Variants in DENND1A observed in about 807,000 individuals in gnomAD.
DENND1A encodes DENN domain-containing protein 1A.
DENND1A carries 51 observed loss-of-function variants against 113.7 expected under a neutral mutation model. The observed-to-expected ratio is 0.45, with a 90% CI of 0.36 to 0.57. The LOEUF (loss-of-function observed/expected upper bound fraction) is 0.57, where lower values mean the gene tolerates loss of function less well. Ranked by LOEUF, DENND1A falls within the 20% of genes least tolerant of loss-of-function variation. DENND1A has a pLI of 0.00. For synonymous variants in DENND1A, 565 were observed against 570.8 expected, an observed-to-expected ratio of 0.99 and a Z score of 0.14; for missense variants, 1,258 against 1,395.9, an observed-to-expected ratio of 0.90 and a Z score of 1.57.
intron 13 of DENND1A, among the ~76,000 whole-genome samples, chr9:123,549,073 G>T (rs2056883082): frequency 6.6e-6 from 1 of 152,152 alleles, no homozygotes; most frequent in African/African-American, 2.4e-5. Context: ...TATGTTATAT[G>T]TATTTTTTAC....
chr9:123,447,368 A>T (rs1023685153), intron 18 of DENND1A, among the ~76,000 whole-genome samples: 1 of 152,148 alleles, frequency 6.6e-6, no homozygotes, highest in Non-Finnish European at 1.5e-5. Flanking sequence ...ATTAACAATT[A>T]TTTGCCAATG....
At chr9:123,673,925 C>A (rs1270225504) in intron 6 of DENND1A, among the ~76,000 whole-genome samples, 2 of 152,038 alleles carry the variant, frequency 1.3e-5, no homozygotes, top group Non-Finnish European at 2.9e-5. Flanking sequence ...CAGATGCCCT[C>A]CCTTCCCTCC....
chr9:123,567,375 T>C (rs983184215), intron 12 of DENND1A, among the ~76,000 whole-genome samples: 1 of 152,216 alleles, frequency 6.6e-6, no homozygotes, highest in Non-Finnish European at 1.5e-5. Flanking sequence ...TTGAAAAAAC[T>C]GATATGCACT....
chr9:123,437,373 C>G (rs553101585), intron 19 of DENND1A, among the ~76,000 whole-genome samples: 2 of 152,174 alleles, frequency 1.3e-5, no homozygotes, highest in African/African-American at 4.8e-5. Flanking sequence ...TGCCAGCCCC[C>G]GCTGCAGAGC....
intron 20 of DENND1A, chr9:123,411,370 G>A (rs1205408619): frequency 1.3e-5 from 2 of 152,250 alleles, no homozygotes; most frequent in African/African-American, 4.8e-5. Context: ...CCACCCCTGG[G>A]AAGGTACAAA....
intron 13 of DENND1A, among the ~76,000 whole-genome samples, chr9:123,532,427 G>C (rs1270155383): frequency 3.9e-5 from 6 of 152,124 alleles, no homozygotes; most frequent in Non-Finnish European, 7.3e-5. Flanking sequence ...ATCTAGAATA[G>C]TTCTTGGGTT....
intron 13 of DENND1A, among the ~76,000 whole-genome samples, chr9:123,462,448 C>G (rs904780544): frequency 6.6e-6 from 1 of 152,146 alleles, no homozygotes; most frequent in African/African-American, 2.4e-5. Flanking sequence ...CTCCCTGCAG[C>G]CTCAGTCCTA....
intron 12 of DENND1A, among the ~76,000 whole-genome samples, chr9:123,569,910 A>G (rs923281405): frequency 6.6e-6 from 1 of 152,032 alleles, no homozygotes; most frequent in Admixed American, 6.6e-5. Context: ...TGGCTTAATC[A>G]CCTTAGTAGA....
intron 2 of DENND1A, among the ~76,000 whole-genome samples, chr9:123,815,142 C>A (rs1007124271): frequency 6.6e-6 from 1 of 152,156 alleles, no homozygotes; most frequent in Non-Finnish European, 1.5e-5. Context: ...TAAAACAGTA[C>A]CTTCATAATA....
intron 18 of DENND1A, among the ~76,000 whole-genome samples, chr9:123,446,083 G>A (rs920240632): frequency 6.6e-6 from 1 of 152,144 alleles, no homozygotes; most frequent in African/African-American, 2.4e-5. Context: ...CCAGCACTGA[G>A]TCCCACTTGC....
chr9:123,914,304 C>T (rs146211799), intron 1 of DENND1A, among the ~76,000 whole-genome samples: 4 of 151,802 alleles, frequency 2.6e-5, no homozygotes, highest in African/African-American at 7.2e-5. Context: ...TTTGGGAGGC[C>T]GAGGTGGGTG....
intron 11 of DENND1A, among the ~76,000 whole-genome samples, 172 bp downstream of exon 11, chr9:123,609,264 G>C (rs373687740): frequency 6.6e-6 from 1 of 152,140 alleles, no homozygotes; most frequent in South Asian, 2.1e-4. Context: ...CCTGAAAACA[G>C]AGCCCAGTGC....
intron 10 of DENND1A, among the ~76,000 whole-genome samples, chr9:123,610,562 A>G (rs2060371136): frequency 6.6e-6 from 1 of 152,170 alleles, no homozygotes. Flanking sequence ...TAGGGGAAGG[A>G]GGTCAAGGGA....
intron 13 of DENND1A, among the ~76,000 whole-genome samples, chr9:123,522,252 T>C (rs754813974): frequency 2.0e-5 from 3 of 152,178 alleles, no homozygotes; most frequent in Non-Finnish European, 2.9e-5. Context: ...CGGAGCCCTC[T>C]CTCCCACCCA....
At chr9:123,780,605 A>G (rs557327158) in intron 3 of DENND1A, among the ~76,000 whole-genome samples, 1 of 152,344 alleles carries the variant, frequency 6.6e-6, no homozygotes, top group African/African-American at 2.4e-5. Context: ...GACATTGAAA[A>G]TGAAAGGAAT....
intron 21 of DENND1A, chr9:123,401,838 G>C (rs543172617): frequency 6.2e-7 from 1 of 1,614,202 alleles, no homozygotes; most frequent in East Asian, 2.2e-5. Context: ...CCAGCCTCTC[G>C]TCGGGAACTT....
intron 5 of DENND1A, among the ~76,000 whole-genome samples, chr9:123,682,041 C>T (rs1278430364): frequency 6.6e-6 from 1 of 152,192 alleles, no homozygotes; most frequent in Non-Finnish European, 1.5e-5. Context: ...AGCGCATGAG[C>T]GATGGCTTTA....
At chr9:123,413,822 GA>G (rs1290900175) in intron 19 of DENND1A, 1 of 985,236 alleles carries the variant, frequency 1.0e-6, no homozygotes, top group Non-Finnish European at 1.2e-6. Flanking sequence ...GGGGAAAGGG[GA>G]ACAGCCCCCC....
chr9:123,825,258 G>C (rs1839126670), intron 2 of DENND1A, among the ~76,000 whole-genome samples: 1 of 151,288 alleles, frequency 6.6e-6, no homozygotes, highest in Admixed American at 6.6e-5. Context: ...CAATCAATTA[G>C]TGAAAGTATT....
Sources: gnomAD v4.1 joint callset for allele counts (sites outside exome capture counted in the v4.1 genomes callset) on GRCh38, gnomAD v4.1.1 for gene constraint, MANE v1.5 for transcripts, NCBI Gene and HGNC (gene_info 2026-07-23, HGNC 2026-07-21) for gene names.